CYFIP1: variants seen among roughly 807,000 people sequenced by gnomAD.
The protein encoded by CYFIP1 is cytoplasmic FMR1 interacting protein 1, also known as cytoplasmic FMR1-interacting protein 1.
Under a neutral mutation model 163.5 loss-of-function variants are expected in CYFIP1, and 58 were observed. The observed-to-expected ratio is 0.35, with a 90% confidence interval of 0.29 to 0.44. The LOEUF (loss-of-function observed/expected upper bound fraction) is 0.44. Among genes scored for constraint, CYFIP1 ranks in the 20% least tolerant of loss-of-function variants. CYFIP1 has a pLI of 1.00. For missense variants in CYFIP1, 1,338 were observed against 1,653.8 expected (o/e 0.81, Z 3.31); for synonymous variants, 663 against 660.7 (o/e 1.00, Z -0.05).
chr15:22,913,653 C>T (rs1481309526), intron 17 of CYFIP1, among the ~76,000 whole-genome samples: 1 of 146,492 alleles, frequency 6.8e-6, no homozygotes, highest in Non-Finnish European at 1.5e-5. Flanking sequence ...TCCTGGATCC[C>T]ACAGCTCACC....
chr15:22,959,170 G>A (rs1329665836), intron 1 of CYFIP1, among the ~76,000 whole-genome samples: 1 of 152,210 alleles, frequency 6.6e-6, no homozygotes, highest in Non-Finnish European at 1.5e-5. Flanking sequence ...GCTGGTGGGA[G>A]GGGCTGTTTC....
At chr15:22,928,069 C>A (rs2061414879) in intron 11 of CYFIP1, 41 bp from the exon 12 acceptor site, 2 of 1,453,884 alleles carry the variant, frequency 1.4e-6, no homozygotes, top group East Asian at 5.4e-5. Flanking sequence ...ACCAGCGCCC[C>A]CACCCAGCTC....
At chr15:22,922,181 T>C (rs1368744011) in intron 13 of CYFIP1, among the ~76,000 whole-genome samples, 1 of 152,152 alleles carries the variant, frequency 6.6e-6, no homozygotes, top group Non-Finnish European at 1.5e-5. Flanking sequence ...TGTTTTTGTG[T>C]GCCTGGGGCC....
At chr15:22,871,035 C>T (rs888266711) in intron 30 of CYFIP1, among the ~76,000 whole-genome samples, 4 of 152,148 alleles carry the variant, frequency 2.6e-5, no homozygotes, top group Admixed American at 6.5e-5. Context: ...AGGAGCAGCC[C>T]GGGCGTAAGC....
chr15:22,902,494 T>C (rs541642501), intron 22 of CYFIP1, among the ~76,000 whole-genome samples: 1 of 152,362 alleles, frequency 6.6e-6, no homozygotes, highest in South Asian at 2.1e-4. Context: ...CTCCTATGTA[T>C]CCATGATTTC....
chr15:22,910,816 G>A lies in CYFIP1; in HGVS notation c.2083-3C>T, dbSNP rs1460022376. On this transcript the variant is annotated splice_polypyrimidine_tract_variant and splice_region_variant and intron_variant, in intron 18 of 30. Transcript: ENST00000617928. Reference sequence around the variant, plus strand: ...AATTGGTCAAAACATAGATTCACCTGAAGAAAAAGAAAGCACACGTTACAG... The same window carrying A: ...AATTGGTCAAAACATAGATTCACCTAAAGAAAAAGAAAGCACACGTTACAG... 2 of 1,611,290 alleles carry A rather than the reference G, an allele frequency of 1.2e-6. No individual in the cohort carries two copies. The highest frequency in any genetic ancestry group is 1.7e-6 in the Non-Finnish European group (2 of 1,177,816).
At chr15:22,978,852 T>C (rs2063370409) in intron 1 of CYFIP1, among the ~76,000 whole-genome samples, 1 of 152,086 alleles carries the variant, frequency 6.6e-6, no homozygotes, top group Non-Finnish European at 1.5e-5. Flanking sequence ...GCAGGAGGAC[T>C]GAGGAACAGA....
intron 11 of CYFIP1, among the ~76,000 whole-genome samples, chr15:22,929,461 G>A (rs568515927): frequency 1.2e-3 from 182 of 151,062 alleles, no homozygotes; most frequent in Non-Finnish European, 2.2e-3. Context: ...GTGAAACCCC[G>A]TCTCTACTAA....
intron 1 of CYFIP1, among the ~76,000 whole-genome samples, chr15:22,962,396 TTTTTC>T (rs1756713960): frequency 1.0e-4 from 14 of 133,562 alleles, no homozygotes; most frequent in Admixed American, 8.6e-4. Context: ...ATTCTTCTTT[TTTTTC>T]TTTTTTTTTT....
At chr15:22,927,103 C>G (rs1164506677) in intron 12 of CYFIP1, among the ~76,000 whole-genome samples, 4 of 151,878 alleles carry the variant, frequency 2.6e-5, no homozygotes, top group Admixed American at 2.0e-4. Flanking sequence ...TTGGAAGGCC[C>G]AGGCAGGCAG....
chr15:22,968,992 G>A (rs1007773532), intron 1 of CYFIP1, among the ~76,000 whole-genome samples: 1 of 152,152 alleles, frequency 6.6e-6, no homozygotes, highest in Admixed American at 6.5e-5. Context: ...GTATCTTCAA[G>A]GACAAATCAA....
At chr15:22,936,022 G>C (rs1333835973) in intron 9 of CYFIP1, among the ~76,000 whole-genome samples, 1 of 152,104 alleles carries the variant, frequency 6.6e-6, no homozygotes, top group Non-Finnish European at 1.5e-5. Context: ...CTGTAATCTT[G>C]GCACTTTGAG....
In CYFIP1 at chr15:22,940,114, T is replaced by C. The variant is rs73410310; in HGVS notation, c.570-607A>G. Reference sequence around the variant, plus strand: ...GAGGTCTGGCAGGGCAGGGTGAAGGTGGGGGTGTGAGGATTCTGATCATCT... The same window carrying C: ...GAGGTCTGGCAGGGCAGGGTGAAGGCGGGGGTGTGAGGATTCTGATCATCT... On this transcript the variant is annotated intron_variant, in intron 6 of 30. Coordinates refer to ENST00000617928, the MANE Select transcript of CYFIP1 (RefSeq NM_014608.6). Among the ~76,000 whole-genome samples, 722 of 152,144 alleles carry C rather than the reference T, an allele frequency of 4.7e-3. 6 individuals are homozygous for C. Among genetic ancestry groups the C allele is most frequent in the Middle Eastern group, 0.01 (3 of 294 alleles).
At chr15:22,943,383 G>A in intron 5 of CYFIP1, 29 bp from the exon 6 acceptor site, 2 of 1,607,794 alleles carry the variant, frequency 1.2e-6, no homozygotes, top group South Asian at 2.2e-5. Context: ...AGGGCAGAAA[G>A]CTGCAGGTCA....
chr15:22,908,934 T>C (rs2060684013), intron 21 of CYFIP1, among the ~76,000 whole-genome samples: 1 of 152,210 alleles, frequency 6.6e-6, no homozygotes, highest in South Asian at 2.1e-4. Context: ...AAGATTGGGG[T>C]TATGTGTTTG....
chr15:22,902,402 G>A (rs1281833977), intron 22 of CYFIP1, among the ~76,000 whole-genome samples: 2 of 152,204 alleles, frequency 1.3e-5, no homozygotes, highest in Non-Finnish European at 2.9e-5. Context: ...GGGATGGAGA[G>A]GCCGAGGGCC....
At chr15:22,909,441 G>A (rs1019713548) in intron 20 of CYFIP1, 128 bp from the exon 21 acceptor site, 65 of 1,134,908 alleles carry the variant, frequency 5.7e-5, no homozygotes, top group Non-Finnish European at 8.1e-5. Flanking sequence ...CCACGTTCAA[G>A]ACCCATCTCC....
chr15:22,977,317 T>C (rs910711521), intron 1 of CYFIP1, among the ~76,000 whole-genome samples: 2 of 152,204 alleles, frequency 1.3e-5, no homozygotes, highest in African/African-American at 4.8e-5. Flanking sequence ...ATTTTCTATG[T>C]AGATAATCAT....
At chr15:22,961,913 T>C (rs189977300) in intron 1 of CYFIP1, among the ~76,000 whole-genome samples, 183 of 152,336 alleles carry the variant, frequency 1.2e-3, no homozygotes, top group African/African-American at 4.2e-3. Context: ...CTTTTTATCA[T>C]ATTAGCTTTT....
Sources: gnomAD v4.1 joint callset for allele counts (sites outside exome capture counted in the v4.1 genomes callset) on GRCh38, gnomAD v4.1.1 for gene constraint, MANE v1.5 for transcripts, NCBI Gene and HGNC (gene_info 2026-07-23, HGNC 2026-07-21) for gene names.